VPS13C: variants seen among roughly 807,000 people sequenced by gnomAD.
VPS13C encodes the protein vacuolar protein sorting 13 homolog C, also known as intermembrane lipid transfer protein VPS13C.
VPS13C carries 358 observed loss-of-function variants against 456.8 expected under a neutral mutation model. The ratio of observed to expected loss-of-function variants is 0.78; its 90% CI spans 0.72 to 0.86. The LOEUF (loss-of-function observed/expected upper bound fraction) is 0.86, where lower values mean the gene tolerates loss of function less well. Ranked by LOEUF, VPS13C falls within the 40% of genes least tolerant of loss-of-function variation. VPS13C has a pLI of 0.00. For synonymous variants in VPS13C, 1,578 were observed against 1,486.7 expected (o/e 1.06, Z -1.41); for missense variants, 4,818 against 4,385.4 (o/e 1.10, Z -2.79).
rs2047070717 is a variant in VPS13C, at chr15:62,012,254, A to ACACG, written c.826-91_826-90insCGTG. The ACACG allele has an allele frequency of 4.5e-6, 3 of 673,436 alleles. No individual in the cohort carries two copies. In the Admixed American group the frequency reaches 9.2e-5, roughly 21 times the overall value. The allele number at this position is 673,436 out of a possible 1,614,324, so 41.7% of individuals were successfully genotyped here. A position where few individuals can be genotyped will look rare whatever the true frequency, so the allele number is the denominator to read the frequency against. Reference sequence around the variant, plus strand: ...CACACACACACACACACACACACACACACAAAGCTTGGTTCTTCATCAATA... The same window carrying ACACG: ...CACACACACACACACACACACACACACACGCACAAAGCTTGGTTCTTCATCAATA... On this transcript the variant is annotated intron_variant, in intron 11 of 84. Transcript: ENST00000644861.
In VPS13C at chr15:61,880,959, G is replaced by GA; in HGVS notation, c.9777-6dup. On this transcript the variant is annotated splice_polypyrimidine_tract_variant and splice_region_variant and intron_variant, in intron 71 of 84. Transcript: ENST00000644861. ...TGAATGAGGACCATAAAATACCTAA[G>GA]AAAAAAAATTTAAAATGGAAAAGGA... The GA allele has an allele frequency of 1.9e-6, 3 of 1,568,132 alleles. No individual in the cohort carries two copies. The highest frequency in any genetic ancestry group is 2.3e-5 in the East Asian group (1 of 44,076).
intron 81 of VPS13C, chr15:61,868,007 C>T (rs535637172): frequency 2.8e-5 from 32 of 1,148,908 alleles, no homozygotes; most frequent in African/African-American, 1.4e-4. Flanking sequence ...ATAGATAAAA[C>T]GTAATCATAT....
At chr15:61,968,408 G>A (rs1283408415) in intron 28 of VPS13C, among the ~76,000 whole-genome samples, 1 of 152,052 alleles carries the variant, frequency 6.6e-6, no homozygotes, top group Non-Finnish European at 1.5e-5. Context: ...GGAAGGCTAT[G>A]CATAGGTTAT....
At position 61,853,440 on chromosome 15, in the gene VPS13C, G is replaced by A. The variant is rs1386220171; in HGVS notation, c.*1017C>T. On this transcript the variant is annotated 3_prime_UTR_variant, in exon 85 of 85. Transcript: ENST00000644861. ...ATATAAGCTCATCTTGAAAGAGGAT[G>A]TAAATACTTCCAAATTTTTATGAAT... 2.0e-5 allele frequency: 3 copies of A among 152,170 alleles called. No individual in the cohort carries two copies. The highest frequency in any genetic ancestry group is 4.4e-5 in the Non-Finnish European group (3 of 68,034). The allele number at this position is 152,170 out of a possible 1,614,324, so 9.4% of individuals were successfully genotyped here. A position where few individuals can be genotyped will look rare whatever the true frequency, so the allele number is the denominator to read the frequency against.
chr15:62,023,819 G>A lies in VPS13C; in HGVS notation c.475C>T (p.His159Tyr). Reference protein sequence around the residue: ...PGRKRKKHKKHFKKPFKGLDR... With the variant: ...PGRKRKKHKKYFKKPFKGLDR... ...AGACCTTTAAAAGGTTTCTTAAAATGTTTTTTGTGCTTTTTACGTTTACGT... is the reference window on the plus strand; with the variant it reads ...AGACCTTTAAAAGGTTTCTTAAAATATTTTTTGTGCTTTTTACGTTTACGT... The change falls in exon 7 of 85, where the codon CAT (histidine) becomes TAT (tyrosine). Residue 159 changes from histidine (H) to tyrosine (Y), a missense_variant. By Grantham distance (83) the His-to-Tyr change is moderately conservative. Transcript: ENST00000644861. 3 of 1,610,908 alleles carry A rather than the reference G, an allele frequency of 1.9e-6. No homozygotes were observed. Among genetic ancestry groups the A allele is most frequent in the South Asian group, 1.1e-5 (1 of 90,804 alleles).
In VPS13C at chr15:61,925,560, T is replaced by C; in HGVS notation, c.6517-12A>G. 6.5e-7 allele frequency: 1 copy of C among 1,550,094 alleles called. No homozygotes were observed. Among genetic ancestry groups the C allele is most frequent in the Non-Finnish European group, 8.7e-7 (1 of 1,144,836 alleles). On this transcript the variant is annotated splice_polypyrimidine_tract_variant and intron_variant, in intron 52 of 84. Coordinates refer to ENST00000644861, the MANE Select transcript of VPS13C (RefSeq NM_020821.3). Reference sequence around the variant, plus strand: ...CAGGGCTGCAAGACCTATAAACAGATAAATGAAATTCACATTTCCATAGAT... The same window carrying C: ...CAGGGCTGCAAGACCTATAAACAGACAAATGAAATTCACATTTCCATAGAT...
intron 20 of VPS13C, among the ~76,000 whole-genome samples, chr15:61,983,401 C>CT (rs1405755267): frequency 6.6e-6 from 1 of 152,138 alleles, no homozygotes; most frequent in African/African-American, 2.4e-5. Flanking sequence ...AACATCAATG[C>CT]TTTTTTCCCT....
chr15:62,023,383 A>G, intron 8 of VPS13C, 28 bp downstream of exon 8: 1 of 1,250,804 alleles, frequency 8.0e-7, no homozygotes, highest in Non-Finnish European at 1.1e-6. Flanking sequence ...ATATTTAATT[A>G]TTAACTGAGT....
chr15:61,943,861 G>A (rs1385483863), intron 45 of VPS13C, among the ~76,000 whole-genome samples: 1 of 149,208 alleles, frequency 6.7e-6, no homozygotes, highest in African/African-American at 2.5e-5. Context: ...CTACAAAATA[G>A]AAAAAATGTT....
intron 68 of VPS13C, among the ~76,000 whole-genome samples, chr15:61,883,334 GC>G (rs1896018600): frequency 6.6e-6 from 1 of 151,902 alleles, no homozygotes; most frequent in Admixed American, 6.6e-5. Flanking sequence ...ACTGCACCTG[GC>G]CCAAAGATAA....
At chr15:61,989,342 A>G (rs2046154962) in intron 18 of VPS13C, among the ~76,000 whole-genome samples, 1 of 152,144 alleles carries the variant, frequency 6.6e-6, no homozygotes, top group Non-Finnish European at 1.5e-5. Flanking sequence ...CAGAGGATGC[A>G]GTAAGCCAAG....
chr15:61,917,776 TA>T (rs34386874), intron 59 of VPS13C, 141 bp from the exon 60 acceptor site: 268 of 949,718 alleles, frequency 2.8e-4, no homozygotes, highest in South Asian at 5.8e-4. Flanking sequence ...AAACCAGGGC[TA>T]AAAAAAAGGT....
intron 16 of VPS13C, among the ~76,000 whole-genome samples, chr15:61,994,119 C>G (rs532011704): frequency 6.6e-6 from 1 of 152,240 alleles, no homozygotes; most frequent in African/African-American, 2.4e-5. Flanking sequence ...TAACTTCAGC[C>G]AATCCTCCGC....
chr15:62,051,919 T>C (rs1313666264), intron 1 of VPS13C, among the ~76,000 whole-genome samples: 1 of 152,244 alleles, frequency 6.6e-6, no homozygotes, highest in African/African-American at 2.4e-5. Flanking sequence ...TTTAGAACTA[T>C]TTGGGACCAT....
intron 66 of VPS13C, among the ~76,000 whole-genome samples, chr15:61,894,693 T>C (rs2140087543): frequency 6.6e-6 from 1 of 152,206 alleles, no homozygotes; most frequent in South Asian, 2.1e-4. Flanking sequence ...GATATAACAG[T>C]TGTAAATATA....
chr15:61,919,616 T>A (rs2043584513), intron 57 of VPS13C, among the ~76,000 whole-genome samples, 167 bp from the exon 58 acceptor site: 1 of 151,970 alleles, frequency 6.6e-6, no homozygotes, highest in Admixed American at 6.6e-5. Flanking sequence ...GACCAGTTAC[T>A]GTTATAAAAT....
chr15:62,046,026 T>C (rs1473983534), intron 1 of VPS13C, among the ~76,000 whole-genome samples: 1 of 152,142 alleles, frequency 6.6e-6, no homozygotes, highest in Non-Finnish European at 1.5e-5. Context: ...ATGCTCACAG[T>C]GGTTATTTCT....
chr15:61,869,900 C>G (rs1326441593), intron 79 of VPS13C, among the ~76,000 whole-genome samples: 1 of 152,168 alleles, frequency 6.6e-6, no homozygotes, highest in Non-Finnish European at 1.5e-5. Context: ...CCAGGTGATC[C>G]TGACACATGC....
chr15:61,917,745 T>C (rs932214556), intron 59 of VPS13C, 110 bp from the exon 60 acceptor site: 1 of 1,238,488 alleles, frequency 8.1e-7, no homozygotes, highest in African/African-American at 1.5e-5. Context: ...TATTCCTGTT[T>C]TTACAGATAT....
Sources: gnomAD v4.1 joint callset for allele counts (sites outside exome capture counted in the v4.1 genomes callset) on GRCh38, gnomAD v4.1.1 for gene constraint, MANE v1.5 for transcripts, NCBI Gene and HGNC (gene_info 2026-07-23, HGNC 2026-07-21) for gene names.